Variants in TUBGCP6 observed in about 807,000 individuals in gnomAD.
TUBGCP6 encodes the protein gamma-tubulin complex component 6.
A neutral mutation model predicts 175.8 loss-of-function variants in TUBGCP6; 161 were observed. The ratio of observed to expected loss-of-function variants is 0.92; its 90% CI spans 0.81 to 1.04. The LOEUF is 1.04. TUBGCP6 is among the 50% of genes least tolerant of loss of function. The pLI, the probability that TUBGCP6 is intolerant of heterozygous loss-of-function variation, is 0.00. For synonymous variants in TUBGCP6, 1,173 were observed against 1,030.5 expected (o/e 1.14, Z -2.65); for missense variants, 2,572 against 2,433.0 (o/e 1.06, Z -1.20).
At chr22:50,222,709 G>A (rs1054628457) in intron 13 of TUBGCP6, 117 bp from the exon 14 acceptor site, 230 of 1,432,864 alleles carry the variant, frequency 1.6e-4, no homozygotes, top group Admixed American at 5.7e-4. Context: ...CCCCGCCCCC[G>A]TCTCCCCCTA....
intron 3 of TUBGCP6, among the ~76,000 whole-genome samples, chr22:50,231,719 C>T (rs76622574): frequency 6.6e-6 from 1 of 151,224 alleles, no homozygotes; most frequent in Non-Finnish European, 1.5e-5. Flanking sequence ...ATTAGACGGG[C>T]GCGGTGGCGG....
chr22:50,237,219 C>A (rs5771258), intron 2 of TUBGCP6, among the ~76,000 whole-genome samples: 120,432 of 152,174 alleles, frequency 0.79, 48,546 homozygotes, highest in African/African-American at 0.94. Flanking sequence ...ACAGCAGGGG[C>A]GAGTGGCCCC....
chr22:50,240,399 T>C (rs1188765263), intron 1 of TUBGCP6, 32 bp from the exon 2 acceptor site: 2 of 1,612,358 alleles, frequency 1.2e-6, no homozygotes, highest in Non-Finnish European at 1.7e-6. Flanking sequence ...AACCGCCACT[T>C]ATTGCTGTGT....
At chr22:50,241,188 C>A (rs2064834485) in intron 1 of TUBGCP6, among the ~76,000 whole-genome samples, 1 of 152,076 alleles carries the variant, frequency 6.6e-6, no homozygotes, top group African/African-American at 2.4e-5. Context: ...TACGAGAAAC[C>A]AGGCCATACA....
In TUBGCP6 at chr22:50,244,645, C is replaced by T. The variant is rs1569130814; in HGVS notation, c.-186G>A. ...TTGCGGTTGCTCTACTCAGAGTAAA[C>T]ACGCCCTGCCCTCCCCAGTCCAAGC... On this transcript the variant is annotated 5_prime_UTR_variant, in exon 1 of 25. Coordinates refer to ENST00000248846, the MANE Select transcript of TUBGCP6 (RefSeq NM_020461.4). 1 of 986,312 alleles carries T rather than the reference C, an allele frequency of 1.0e-6. No individual in the cohort carries two copies. The highest frequency in any genetic ancestry group is 1.8e-5 in the South Asian group (1 of 56,176). The allele number at this position is 986,312 out of a possible 1,614,324, so 61.1% of individuals were successfully genotyped here.
chr22:50,236,746 G>A (rs1383673359), intron 2 of TUBGCP6, among the ~76,000 whole-genome samples: 1 of 152,214 alleles, frequency 6.6e-6, no homozygotes, highest in Non-Finnish European at 1.5e-5. Flanking sequence ...GCTCCCTCAG[G>A]ATGAGATGAG....
chr22:50,242,446 G>T (rs113863639), intron 1 of TUBGCP6, among the ~76,000 whole-genome samples: 1 of 151,556 alleles, frequency 6.6e-6, no homozygotes, highest in Admixed American at 6.6e-5. Context: ...GCAGTGAGCC[G>T]AGACCACACC....
At chr22:50,232,556 CAA>C (rs542603491) in intron 3 of TUBGCP6, among the ~76,000 whole-genome samples, 21 of 139,806 alleles carry the variant, frequency 1.5e-4, no homozygotes, top group Admixed American at 2.9e-4. Context: ...GACCCTGTCT[CAA>C]AAAAAAAAAA....
At position 50,225,905 on chromosome 22, in the gene TUBGCP6, G is replaced by C. The variant is rs35573482; in HGVS notation, c.1872C>G (p.Ile624Met). The C allele has an allele frequency of 1.9e-6, 3 of 1,613,912 alleles. No individual in the cohort carries two copies. The highest frequency in any genetic ancestry group is 2.5e-6 in the Non-Finnish European group (3 of 1,180,008). Residue 624 changes from isoleucine to methionine, a missense_variant, in exon 10 of 25, where the codon ATC becomes ATG. Ile to Met is a conservative substitution (Grantham distance 10). Coordinates refer to ENST00000248846, the MANE Select transcript of TUBGCP6 (RefSeq NM_020461.4). ...LCWSDVPVPR[I>M]SVIFSLEELK... Reference sequence around the variant, plus strand: ...ACTCCTCAAGGGAGAAAATCACCGAGATCCGGGGGACAGGGACGTCGGACC... The same window carrying C: ...ACTCCTCAAGGGAGAAAATCACCGACATCCGGGGGACAGGGACGTCGGACC...
intron 15 of TUBGCP6, 51 bp from the exon 16 acceptor site, chr22:50,221,925 C>T (rs1414442290): frequency 1.3e-6 from 2 of 1,559,954 alleles, no homozygotes; most frequent in Admixed American, 1.8e-5. Context: ...CCCCCCAGCC[C>T]TCGAACTGTC....
At chr22:50,218,920 T>C (rs1159751280) in intron 20 of TUBGCP6, 23 bp from the exon 21 acceptor site, 1 of 1,597,724 alleles carries the variant, frequency 6.3e-7, no homozygotes, top group Non-Finnish European at 8.5e-7. Context: ...GGGACCACCG[T>C]CCCCAGGAGT....
At chr22:50,227,493 G>T (rs1050693311) in intron 5 of TUBGCP6, among the ~76,000 whole-genome samples, 3 of 152,128 alleles carry the variant, frequency 2.0e-5, no homozygotes, top group Admixed American at 2.0e-4. Context: ...TCTCCTCAGC[G>T]CTGCCACACT....
rs151117456 is a variant in TUBGCP6 at position 50,227,964 on chromosome 22, G to A, written c.1355C>T (p.Pro452Leu). The change falls in exon 5 of 25, where the codon CCC (proline) becomes CTC (leucine). Residue 452 changes from proline to leucine, a missense_variant. By Grantham distance (98) the Pro-to-Leu change is moderately conservative (BLOSUM62 -3). Transcript: ENST00000248846. ...ACCAATGGTGAGGAGGCTCAGGGTGGGCGGAGTGGAAAGGACGCAGGCCCG... is the reference window on the plus strand; with the variant it reads ...ACCAATGGTGAGGAGGCTCAGGGTGAGCGGAGTGGAAAGGACGCAGGCCCG... ...YYRACVLSTP[P>L]TLSLLTIGFL... 6.0e-5 allele frequency: 95 copies of A among 1,571,942 alleles called. No homozygotes were observed. The highest frequency in any genetic ancestry group is 7.9e-5 in the Non-Finnish European group (92 of 1,158,436).
chr22:50,231,012 G>A (rs1382830235), intron 3 of TUBGCP6, among the ~76,000 whole-genome samples: 3 of 142,564 alleles, frequency 2.1e-5, no homozygotes, highest in African/African-American at 7.9e-5. Flanking sequence ...AACCCAGGAG[G>A]AAGAGGTTGC....
Position 50,226,345 on chromosome 22 carries a change from G to C in TUBGCP6, c.1635C>G (p.Phe545Leu), listed in dbSNP as rs1258532586. 1.2e-6 allele frequency: 2 copies of C among 1,612,896 alleles called. No homozygotes were observed. Among genetic ancestry groups the C allele is most frequent in the Non-Finnish European group, 1.7e-6 (2 of 1,179,534 alleles). ...FIHDWVYSGV[F>L]RDAYGEFMIQ... ...TCATGAACTCGCCATAAGCGTCTCT[G>C]AACACCCCGCTGTACACCCAGTCGT... The change falls in exon 8 of 25, where the codon TTC becomes TTG. Residue 545 changes from phenylalanine to leucine, a missense_variant. Coordinates refer to ENST00000248846, the MANE Select transcript of TUBGCP6 (RefSeq NM_020461.4).
chr22:50,232,555 T>C (rs1305024034), intron 3 of TUBGCP6, among the ~76,000 whole-genome samples: 1 of 146,218 alleles, frequency 6.8e-6, no homozygotes, highest in Admixed American at 6.8e-5. Context: ...AGACCCTGTC[T>C]CAAAAAAAAA....
intron 3 of TUBGCP6, 143 bp downstream of exon 3, chr22:50,233,173 A>G: frequency 1.2e-6 from 1 of 828,934 alleles, no homozygotes; most frequent in South Asian, 1.8e-5. Flanking sequence ...GGCTGTCATC[A>G]CTGGTGGCCC....
Position 50,244,053 on chromosome 22 carries a change from T to C in TUBGCP6, c.407A>G (p.Asn136Ser), listed in dbSNP as rs776400082. The change falls in exon 1 of 25, where the codon AAC becomes AGC. Residue 136 changes from asparagine (N) to serine (S), a missense_variant. Transcript: ENST00000248846. ...CGGAACGTTTCTCCCCACATGCTTG[T>C]TGTTAAGGAAGTAGTCTCGTTTTCT... ...LPRKRDYFLN[N>S]KHVGRNVPYS... The C allele has an allele frequency of 3.3e-5, 53 of 1,613,910 alleles. No individual in the cohort carries two copies. In the South Asian group the frequency reaches 5.6e-4, roughly 17 times the overall value.
intron 3 of TUBGCP6, among the ~76,000 whole-genome samples, chr22:50,231,223 T>G (rs1342302230): frequency 1.3e-5 from 2 of 148,468 alleles, no homozygotes; most frequent in Non-Finnish European, 3.0e-5. Flanking sequence ...GAGGCCAAGG[T>G]GGGTGAAATC....
Sources: allele counts gnomAD v4.1 joint callset (sites outside exome capture counted in the v4.1 genomes callset), GRCh38; gene constraint gnomAD v4.1.1; transcripts MANE v1.5; gene names NCBI Gene and HGNC (gene_info 2026-07-23, HGNC 2026-07-21).